The following NCAM2 variants were observed in gnomAD, a reference collection of about 807,000 sequenced individuals.
The protein encoded by NCAM2 is neural cell adhesion molecule 2, also known as N-CAM-2.
Under a neutral mutation model 98.1 loss-of-function variants are expected in NCAM2, and 30 were observed. The ratio of observed to expected loss-of-function variants is 0.31; its 90% CI spans 0.23 to 0.41. The LOEUF (loss-of-function observed/expected upper bound fraction) is 0.41. Among genes scored for constraint, NCAM2 ranks in the 10% least tolerant of loss-of-function variants. NCAM2 has a pLI of 1.00. For synonymous variants in NCAM2, 368 were observed against 342.4 expected, an observed-to-expected ratio of 1.07 and a Z score of -0.83; for missense variants, 867 against 1,005.8, an observed-to-expected ratio of 0.86 and a Z score of 1.87.
chr21:21,532,113 A>G (rs1482458485), intron 16 of NCAM2, among the ~76,000 whole-genome samples: 3 of 152,078 alleles, frequency 2.0e-5, no homozygotes, highest in Non-Finnish European at 4.4e-5. Flanking sequence ...GATAATACTT[A>G]TGGTATTTAT....
chr21:21,351,956 G>A (rs994712692), intron 8 of NCAM2, among the ~76,000 whole-genome samples: 31 of 151,996 alleles, frequency 2.0e-4, no homozygotes, highest in Non-Finnish European at 3.8e-4. Context: ...CACCATATAG[G>A]CCAGGCTGGT....
At chr21:21,217,195 A>G (rs998883483) in intron 1 of NCAM2, among the ~76,000 whole-genome samples, 1 of 152,124 alleles carries the variant, frequency 6.6e-6, no homozygotes, top group Non-Finnish European at 1.5e-5. Context: ...TTTGATCACA[A>G]TCATAACACA....
At chr21:21,133,224 A>G (rs2066972362) in intron 1 of NCAM2, among the ~76,000 whole-genome samples, 1 of 152,202 alleles carries the variant, frequency 6.6e-6, no homozygotes, top group South Asian at 2.1e-4. Flanking sequence ...GAAAACATTC[A>G]GAATTGATTA....
chr21:21,341,250 T>C (rs2075024708), intron 8 of NCAM2, among the ~76,000 whole-genome samples: 1 of 152,034 alleles, frequency 6.6e-6, no homozygotes, highest in South Asian at 2.1e-4. Flanking sequence ...GATTGTACTT[T>C]CCATAAGAAT....
intron 1 of NCAM2, among the ~76,000 whole-genome samples, chr21:21,007,486 G>A (rs1051586670): frequency 6.6e-6 from 1 of 152,218 alleles, no homozygotes; most frequent in Admixed American, 6.5e-5. Flanking sequence ...CCCATTTTTT[G>A]TTCTTCATTA....
intron 16 of NCAM2, among the ~76,000 whole-genome samples, chr21:21,533,209 G>A (rs550110044): frequency 7.7e-4 from 90 of 117,040 alleles, no homozygotes; most frequent in Admixed American, 2.0e-3. Flanking sequence ...CTTCCTAAGA[G>A]CAAATTTTAA....
chr21:21,046,593 TTTTC>T (rs1465151638), intron 1 of NCAM2, among the ~76,000 whole-genome samples: 1 of 152,198 alleles, frequency 6.6e-6, no homozygotes, highest in African/African-American at 2.4e-5. Flanking sequence ...TTTTACAGTT[TTTTC>T]TTTCTATTTT....
chr21:21,240,869 G>A (rs574682020), intron 1 of NCAM2, among the ~76,000 whole-genome samples: 2 of 152,214 alleles, frequency 1.3e-5, no homozygotes, highest in Admixed American at 6.5e-5. Flanking sequence ...ACAGGATTTT[G>A]AGGATTAATT....
chr21:21,007,862 G>A (rs1158467919), intron 1 of NCAM2, among the ~76,000 whole-genome samples: 10 of 152,218 alleles, frequency 6.6e-5, no homozygotes, highest in Middle Eastern at 3.4e-3. Context: ...ATGCAGTCCC[G>A]TAGGTCTTGG....
At chr21:21,080,681 C>A (rs7280613) in intron 1 of NCAM2, among the ~76,000 whole-genome samples, 42,665 of 60,296 alleles carry the variant, frequency 0.71, 13,157 homozygotes, top group Middle Eastern at 0.75. Flanking sequence ...AAAAAAAAAA[C>A]CAACATTGAT....
At chr21:21,051,951 G>T (rs2065117392) in intron 1 of NCAM2, among the ~76,000 whole-genome samples, 1 of 152,098 alleles carries the variant, frequency 6.6e-6, no homozygotes, top group Non-Finnish European at 1.5e-5. Context: ...CTCCAGGGAA[G>T]AACAGAATTC....
At chr21:21,314,485 G>A (rs976082748) in intron 5 of NCAM2, among the ~76,000 whole-genome samples, 1 of 151,992 alleles carries the variant, frequency 6.6e-6, no homozygotes, top group Admixed American at 6.6e-5. Context: ...TCTTGGGTTC[G>A]ATGCTGTTGG....
rs189984427 is a variant in NCAM2, at chr21:21,206,512, C to T, written c.56-74066C>T. Reference sequence around the variant, plus strand: ...TTAGCATGTTGAAATATCATATAGTCTTACTGGGTTTGAACATTTAATGGC... The same window carrying T: ...TTAGCATGTTGAAATATCATATAGTTTTACTGGGTTTGAACATTTAATGGC... On this transcript the variant is annotated intron_variant, in intron 1 of 17. Transcript: ENST00000400546. Among the ~76,000 whole-genome samples, 6 of 152,230 alleles carry T rather than the reference C, an allele frequency of 3.9e-5. No homozygotes were observed. The East Asian group carries it at 1.2e-3, about 29-fold the overall frequency.
At chr21:21,303,880 A>C (rs1002037522) in intron 5 of NCAM2, among the ~76,000 whole-genome samples, 2 of 152,152 alleles carry the variant, frequency 1.3e-5, no homozygotes, top group African/African-American at 4.8e-5. Flanking sequence ...TCAGGATGTT[A>C]AACATCTTCT....
chr21:21,067,131 T>A (rs2052379392), intron 1 of NCAM2, among the ~76,000 whole-genome samples: 1 of 151,406 alleles, frequency 6.6e-6, no homozygotes, highest in Non-Finnish European at 1.5e-5. Flanking sequence ...ATACATATAT[T>A]TATTATAAAA....
chr21:21,411,069 T>TATATATATAC lies in NCAM2; in HGVS notation c.1383+609_1383+610insTATATATACA, dbSNP rs1279301831. ...ATATGTGTGTGTATATATATATATA[T>TATATATATAC]ACACACACATATATATATGTGTGTA... On this transcript the variant is annotated intron_variant, in intron 10 of 17. Transcript: ENST00000400546. Among the ~76,000 whole-genome samples, 125 of 32,804 alleles carry TATATATATAC rather than the reference T, an allele frequency of 3.8e-3. 5 individuals carry two copies. Among genetic ancestry groups the TATATATATAC allele is most frequent in the African/African-American group, 0.013 (122 of 9,064 alleles). The allele number at this position is 32,804 out of a possible 152,430, so 21.5% of individuals were successfully genotyped here. A position where few individuals can be genotyped will look rare whatever the true frequency, so the allele number is the denominator to read the frequency against.
chr21:21,087,565 T>C (rs1237572798), intron 1 of NCAM2, among the ~76,000 whole-genome samples: 1 of 152,188 alleles, frequency 6.6e-6, no homozygotes, highest in African/African-American at 2.4e-5. Context: ...GGTTCTTCTG[T>C]AGCTTGCCCA....
At chr21:21,271,700 A>G (rs751374014) in intron 1 of NCAM2, among the ~76,000 whole-genome samples, 5 of 152,214 alleles carry the variant, frequency 3.3e-5, no homozygotes, top group Admixed American at 6.5e-5. Flanking sequence ...TAGTTGAGAA[A>G]AAGGAAAGAG....
intron 1 of NCAM2, among the ~76,000 whole-genome samples, chr21:21,100,339 A>G (rs1252598154): frequency 6.6e-6 from 1 of 151,928 alleles, no homozygotes; most frequent in Non-Finnish European, 1.5e-5. Flanking sequence ...TAAAGGAGCT[A>G]TATGAATGTC....
Sources: allele counts gnomAD v4.1 joint callset (sites outside exome capture counted in the v4.1 genomes callset), GRCh38; gene constraint gnomAD v4.1.1; transcripts MANE v1.5; gene names NCBI Gene and HGNC (gene_info 2026-07-23, HGNC 2026-07-21).